The following AGPAT4 variants were observed in gnomAD, a reference collection of about 807,000 sequenced individuals.
AGPAT4 encodes the protein 1-acyl-sn-glycerol-3-phosphate acyltransferase delta.
Under a neutral mutation model 48.0 loss-of-function variants are expected in AGPAT4, and 15 were observed. The observed-to-expected ratio is 0.31, with a 90% CI of 0.21 to 0.48. The LOEUF is 0.48. Among genes scored for constraint, AGPAT4 ranks in the 20% least tolerant of loss-of-function variants. The pLI is 0.99. For synonymous variants in AGPAT4, 178 were observed against 198.7 expected (o/e 0.90, Z 0.88); for missense variants, 314 against 482.5 (o/e 0.65, Z 3.27).
At position 161,235,556 on chromosome 6, in the gene AGPAT4, A is replaced by G. The variant is rs1270327700; in HGVS notation, c.-89-3254T>C. Among the ~76,000 whole-genome samples the G allele has an allele frequency of 6.6e-6, 1 of 152,186 alleles. No individual in the cohort carries two copies. The highest frequency in any genetic ancestry group is 2.4e-5 in the African/African-American group (1 of 41,432). ...TCGCACTGCTATAAAGAAATACCTG[A>G]GACTGGACAATTTATAAAGAAAAGA... On this transcript the variant is annotated intron_variant, in intron 1 of 8. Transcript: ENST00000320285. This position sits in a 1 kb window ranked among gnomAD's most constrained non-coding sequence, Gnocchi z 6.2.
chr6:161,234,421 C>T lies in AGPAT4; in HGVS notation c.-89-2119G>A, dbSNP rs375695340. On this transcript the variant is annotated intron_variant, in intron 1 of 8. Coordinates refer to ENST00000320285, the MANE Select transcript of AGPAT4 (RefSeq NM_020133.3). The surrounding 1 kb of genome is among the most constrained non-coding windows in gnomAD (Gnocchi z 4.4). Reference sequence around the variant, plus strand: ...AGGCCCTGCAGGGTCTGAATCATCACATCTCTGGCCTTTCGCAGACGGCAT... The same window carrying T: ...AGGCCCTGCAGGGTCTGAATCATCATATCTCTGGCCTTTCGCAGACGGCAT... Among the ~76,000 whole-genome samples the T allele has an allele frequency of 1.1e-4, 16 of 152,202 alleles. No individual in the cohort carries two copies. The East Asian group carries it at 1.7e-3, about 17-fold the overall frequency.
intron 5 of AGPAT4, among the ~76,000 whole-genome samples, chr6:161,151,071 G>T (rs771089925): frequency 5.9e-5 from 9 of 152,194 alleles, no homozygotes; most frequent in Non-Finnish European, 1.0e-4. Context: ...CTCAAAAAAA[G>T]TGTCTTGAAT....
rs948162982 is a variant in AGPAT4 at position 161,166,542 on chromosome 6, C to T, written c.179-125G>A. The stretch of plus-strand genomic sequence containing the variant: ...AACTTCTACGGGCAAAGTTCTGGAT[C>T]GTTGCAGCACAGACCTTGGTCCTTG... On this transcript the variant is annotated intron_variant, in intron 2 of 8. Transcript: ENST00000320285. This position sits in a 1 kb window ranked among gnomAD's most constrained non-coding sequence, Gnocchi z 6.7. The T allele has an allele frequency of 1.9e-4, 214 of 1,107,528 alleles. No individual in the cohort carries two copies. The highest frequency in any genetic ancestry group is 9.4e-4 in the Middle Eastern group (3 of 3,184). 68.6% of individuals were successfully genotyped at this position (1,107,528 alleles called of 1,614,324 possible).
In AGPAT4 at chr6:161,226,240, C is replaced by G. The variant is rs561021126; in HGVS notation, c.178+5796G>C. On this transcript the variant is annotated intron_variant, in intron 2 of 8. Transcript: ENST00000320285. This position sits in a 1 kb window ranked among gnomAD's most constrained non-coding sequence, Gnocchi z 6.3. ...CCACTCAGGGACACTCCCTTTCTGA[C>G]ATCTTGGAGCTGAGTAACTACCTAT... Among the ~76,000 whole-genome samples, 1 of 152,300 alleles carries G rather than the reference C, an allele frequency of 6.6e-6. No individual in the cohort carries two copies. Among genetic ancestry groups the G allele is most frequent in the East Asian group, 1.9e-4 (1 of 5,172 alleles).
At chr6:161,248,236 GAACAAA>G (rs1361257136) in intron 1 of AGPAT4, among the ~76,000 whole-genome samples, 1 of 151,898 alleles carries the variant, frequency 6.6e-6, no homozygotes, top group East Asian at 1.9e-4. Flanking sequence ...GACAAGCCAA[GAACAAA>G]ATCAGCAACA....
chr6:161,163,908 T>C (rs1780013040), intron 3 of AGPAT4, among the ~76,000 whole-genome samples: 1 of 152,092 alleles, frequency 6.6e-6, no homozygotes, highest in Non-Finnish European at 1.5e-5. Context: ...AAGACTCTAA[T>C]CCTAAGCACA....
chr6:161,189,331 G>A lies in AGPAT4; in HGVS notation c.179-22914C>T, dbSNP rs917407238. On this transcript the variant is annotated intron_variant, in intron 2 of 8. Transcript: ENST00000320285. The surrounding 1 kb of genome is among the most constrained non-coding windows in gnomAD (Gnocchi z 5.3). ...GCCAAGACCAGCAGGGTGCCCTGAGGTCACAGCTCAGGTGATGGGTGGGGT... is the reference window on the plus strand; with the variant it reads ...GCCAAGACCAGCAGGGTGCCCTGAGATCACAGCTCAGGTGATGGGTGGGGT... Among the ~76,000 whole-genome samples the A allele has an allele frequency of 6.6e-6, 1 of 152,120 alleles. No homozygotes were observed. Among genetic ancestry groups the A allele is most frequent in the African/African-American group, 2.4e-5 (1 of 41,432 alleles).
intron 2 of AGPAT4, among the ~76,000 whole-genome samples, chr6:161,187,270 G>A (rs1021107979): frequency 1.3e-5 from 2 of 152,090 alleles, no homozygotes; most frequent in African/African-American, 4.8e-5. Context: ...GTTTTGTCTT[G>A]TTCAGTATTC....
chr6:161,219,824 G>GAGATAGATAGATAGAT lies in AGPAT4; in HGVS notation c.178+12196_178+12211dup, dbSNP rs55973440. On this transcript the variant is annotated intron_variant, in intron 2 of 8. Coordinates refer to ENST00000320285, the MANE Select transcript of AGPAT4 (RefSeq NM_020133.3). The surrounding 1 kb of genome is among the most constrained non-coding windows in gnomAD (Gnocchi z 4.9). ...AGATTCACAGTAAAAAAGATAGACA[G>GAGATAGATAGATAGAT]AGATAGATAGATAGATAGATAGATA... Among the ~76,000 whole-genome samples, 131 of 89,502 alleles carry GAGATAGATAGATAGAT rather than the reference G, an allele frequency of 1.5e-3. 1 individual carries two copies. The highest frequency in any genetic ancestry group is 4.5e-3 in the Admixed American group (33 of 7,392). 58.7% of individuals were successfully genotyped at this position (89,502 alleles called of 152,430 possible).
chr6:161,139,467 C>T lies in AGPAT4; in HGVS notation c.997G>A (p.Gly333Arg), dbSNP rs748012441. The T allele has an allele frequency of 4.3e-5, 69 of 1,613,962 alleles. 3 individuals carry two copies. In the South Asian group the frequency reaches 6.4e-4, roughly 15 times the overall value. Residue 333 changes from glycine (G) to arginine (R), a missense_variant, in exon 8 of 9, where the codon GGG becomes AGG. Physicochemically the swap from Gly to Arg is moderately radical, Grantham distance 125. Transcript: ENST00000320285. The surrounding 1 kb of genome is among the most constrained non-coding windows in gnomAD (Gnocchi z 9.1). ...FQFLVSMIRSGSSLTLASFIL... is the reference protein window; with the variant it reads ...FQFLVSMIRSRSSLTLASFIL... ...AAGCTGGCCAGCGTCAGGGAAGACC[C>T]GCTCCTGATCATGCTGACCAGGAAC...
rs747704210 is a variant in AGPAT4, at chr6:161,144,173, G to A, written c.843+2351C>T. On this transcript the variant is annotated intron_variant, in intron 7 of 8. Coordinates refer to ENST00000320285, the MANE Select transcript of AGPAT4 (RefSeq NM_020133.3). The surrounding 1 kb of genome is among the most constrained non-coding windows in gnomAD (Gnocchi z 6.6). Reference sequence around the variant, plus strand: ...GAGAAACCATGCACCACTTCCACTTGCTGCTCAGCGATCTTCTCGGAAGGG... The same window carrying A: ...GAGAAACCATGCACCACTTCCACTTACTGCTCAGCGATCTTCTCGGAAGGG... The A allele has an allele frequency of 1.9e-6, 1 of 533,222 alleles. No homozygotes were observed. The highest frequency in any genetic ancestry group is 3.8e-6 in the Non-Finnish European group (1 of 259,938). The allele number at this position is 533,222 out of a possible 1,614,324, so 33.0% of individuals were successfully genotyped here. A position where few individuals can be genotyped will look rare whatever the true frequency, so the allele number is the denominator to read the frequency against.
At position 161,154,341 on chromosome 6, in the gene AGPAT4, T is replaced by C. The variant is rs981226290; in HGVS notation, c.349-31A>G. The C allele has an allele frequency of 6.2e-7, 1 of 1,612,984 alleles. No homozygotes were observed. Among genetic ancestry groups the C allele is most frequent in the Non-Finnish European group, 8.5e-7 (1 of 1,179,552 alleles). Reference sequence around the variant, plus strand: ...ACAGAAGAAGGAGCCCAGGTGCCCATGAAGGAGACGTCAGAGCCACCTGCC... The same window carrying C: ...ACAGAAGAAGGAGCCCAGGTGCCCACGAAGGAGACGTCAGAGCCACCTGCC... On this transcript the variant is annotated intron_variant, in intron 3 of 8. Coordinates refer to ENST00000320285, the MANE Select transcript of AGPAT4 (RefSeq NM_020133.3). The surrounding 1 kb of genome is among the most constrained non-coding windows in gnomAD (Gnocchi z 7.8).
chr6:161,179,008 G>A (rs1190172967), intron 2 of AGPAT4, among the ~76,000 whole-genome samples: 4 of 152,204 alleles, frequency 2.6e-5, no homozygotes, highest in Non-Finnish European at 4.4e-5. Flanking sequence ...GGTGCAGAAC[G>A]CAGTAGGTGA....
At position 161,208,703 on chromosome 6, in the gene AGPAT4, G is replaced by A. The variant is rs1781445368; in HGVS notation, c.178+23333C>T. Among the ~76,000 whole-genome samples the A allele has an allele frequency of 4.6e-5, 7 of 152,162 alleles. No homozygotes were observed. The highest frequency in any genetic ancestry group is 4.6e-4 in the Admixed American group (7 of 15,278). On this transcript the variant is annotated intron_variant, in intron 2 of 8. Coordinates refer to ENST00000320285, the MANE Select transcript of AGPAT4 (RefSeq NM_020133.3). This position sits in a 1 kb window ranked among gnomAD's most constrained non-coding sequence, Gnocchi z 4.6. ...TTCAGAAAAAAGAAATGCAAAAGAAGTCTATGTGTTCAAAAGAAAACTATT... is the reference window on the plus strand; with the variant it reads ...TTCAGAAAAAAGAAATGCAAAAGAAATCTATGTGTTCAAAAGAAAACTATT...
chr6:161,183,064 T>C (rs967819893), intron 2 of AGPAT4, among the ~76,000 whole-genome samples: 3 of 152,172 alleles, frequency 2.0e-5, no homozygotes, highest in African/African-American at 7.2e-5. Context: ...AGTTTCCTCC[T>C]GCCCCCACCA....
At position 161,229,441 on chromosome 6, in the gene AGPAT4, G is replaced by A. The variant is rs913046105; in HGVS notation, c.178+2595C>T. On this transcript the variant is annotated intron_variant, in intron 2 of 8. Transcript: ENST00000320285. This position sits in a 1 kb window ranked among gnomAD's most constrained non-coding sequence, Gnocchi z 6.0. ...TTCCCCACAAACTGTCTCCTCCTCT[G>A]GCTGATCAGTGGCCCAGCAAGGCTT... Among the ~76,000 whole-genome samples, 1 of 152,068 alleles carries A rather than the reference G, an allele frequency of 6.6e-6. No individual in the cohort carries two copies. The highest frequency in any genetic ancestry group is 2.4e-5 in the African/African-American group (1 of 41,406).
chr6:161,233,142 C>G lies in AGPAT4; in HGVS notation c.-89-840G>C, dbSNP rs1254685377. Among the ~76,000 whole-genome samples, 1 of 149,802 alleles carries G rather than the reference C, an allele frequency of 6.7e-6. No homozygotes were observed. Among genetic ancestry groups the G allele is most frequent in the African/African-American group, 2.5e-5 (1 of 39,932 alleles). ...ACACACACACACACACACACACACA[C>G]ACAGATACACACATCCTTAAGTGTT... On this transcript the variant is annotated intron_variant, in intron 1 of 8. Coordinates refer to ENST00000320285, the MANE Select transcript of AGPAT4 (RefSeq NM_020133.3). The surrounding 1 kb of genome is among the most constrained non-coding windows in gnomAD (Gnocchi z 5.4).
In AGPAT4 at chr6:161,146,654, C is replaced by G. The variant is rs1779439393; in HGVS notation, c.768-55G>C. The G allele has an allele frequency of 6.5e-7, 1 of 1,547,528 alleles. No individual in the cohort carries two copies. Among genetic ancestry groups the G allele is most frequent in the African/African-American group, 1.4e-5 (1 of 73,572 alleles). ...GGAGGTGATGCCCCCCTACAACATA[C>G]AGTTTCCAGTAACGGTGCTGCCGTT... is the stretch of plus-strand genomic sequence containing the variant. On this transcript the variant is annotated intron_variant, in intron 6 of 8. Coordinates refer to ENST00000320285, the MANE Select transcript of AGPAT4 (RefSeq NM_020133.3). The surrounding 1 kb of genome is among the most constrained non-coding windows in gnomAD (Gnocchi z 7.1).
chr6:161,223,335 A>G lies in AGPAT4; in HGVS notation c.178+8701T>C, dbSNP rs1293763111. On this transcript the variant is annotated intron_variant, in intron 2 of 8. Coordinates refer to ENST00000320285, the MANE Select transcript of AGPAT4 (RefSeq NM_020133.3). This position sits in a 1 kb window ranked among gnomAD's most constrained non-coding sequence, Gnocchi z 6.3. Reference sequence around the variant, plus strand: ...TTTGATCCTAGCAGATGTTTGCTTAACATCATCCTTGGGTGTTAAAATAAA... The same window carrying G: ...TTTGATCCTAGCAGATGTTTGCTTAGCATCATCCTTGGGTGTTAAAATAAA... 6.6e-6 allele frequency among the ~76,000 whole-genome samples: 1 copy of G among 152,196 alleles called. No homozygotes were observed. Among genetic ancestry groups the G allele is most frequent in the African/African-American group, 2.4e-5 (1 of 41,452 alleles).
Sources: allele counts gnomAD v4.1 joint callset (sites outside exome capture counted in the v4.1 genomes callset), GRCh38; gene constraint gnomAD v4.1.1; non-coding constraint Gnocchi (gnomAD v3.1); transcripts MANE v1.5; gene names NCBI Gene and HGNC (gene_info 2026-07-23, HGNC 2026-07-21).